Variants in SNX29 observed in about 807,000 individuals in gnomAD.
SNX29 encodes the protein sorting nexin 29.
In SNX29, 78 loss-of-function variants were observed where a neutral mutation model predicts 102.1. That is an observed-to-expected ratio of 0.76 (90% CI 0.64 to 0.92). The LOEUF (loss-of-function observed/expected upper bound fraction) is 0.92, where lower values mean the gene tolerates loss of function less well. Ranked by LOEUF, SNX29 falls within the 40% of genes least tolerant of loss-of-function variation. The probability of loss-of-function intolerance (pLI) is 0.00; values close to 1 mark genes in which losing one functional copy is unlikely to be tolerated. For missense variants in SNX29, 1,280 were observed against 1,061.7 expected (o/e 1.21, Z -2.86); for synonymous variants, 580 against 414.5 (o/e 1.40, Z -4.85).
intron 14 of SNX29, among the ~76,000 whole-genome samples, chr16:12,253,171 A>G (rs1051863462): frequency 4.6e-5 from 7 of 152,178 alleles, no homozygotes; most frequent in African/African-American, 1.4e-4. Flanking sequence ...AGAACAGCAG[A>G]GGTGGCGAGA....
At chr16:12,543,187 G>C (rs896318884) in intron 20 of SNX29, among the ~76,000 whole-genome samples, 3 of 152,124 alleles carry the variant, frequency 2.0e-5, no homozygotes, top group Admixed American at 6.5e-5. Flanking sequence ...GAAGTCCTAG[G>C]AAAAATCATA....
intron 8 of SNX29, among the ~76,000 whole-genome samples, chr16:12,055,073 C>T (rs2050464031): frequency 6.6e-6 from 1 of 151,976 alleles, no homozygotes; most frequent in Admixed American, 6.6e-5. Flanking sequence ...TTATTCAGGG[C>T]TTTCTAGAGA....
chr16:12,058,240 C>T (rs56191623), intron 8 of SNX29, among the ~76,000 whole-genome samples: 69 of 152,284 alleles, frequency 4.5e-4, no homozygotes, highest in African/African-American at 1.5e-3. Flanking sequence ...GAAACTGAGT[C>T]TGACACAGTA....
At chr16:11,991,215 T>A (rs1197300537) in intron 1 of SNX29, among the ~76,000 whole-genome samples, 1 of 152,222 alleles carries the variant, frequency 6.6e-6, no homozygotes, top group East Asian at 1.9e-4. Flanking sequence ...ATAACATCAT[T>A]GTGTGTATCC....
intron 16 of SNX29, among the ~76,000 whole-genome samples, chr16:12,384,808 C>T (rs2083289247): frequency 1.3e-5 from 2 of 152,222 alleles, no homozygotes; most frequent in South Asian, 4.1e-4. Flanking sequence ...CCACAGACTT[C>T]TGGGGCAGTA....
chr16:12,509,682 G>A (rs2089523588), intron 19 of SNX29, among the ~76,000 whole-genome samples: 1 of 152,198 alleles, frequency 6.6e-6, no homozygotes, highest in Non-Finnish European at 1.5e-5. Flanking sequence ...ACTTTGGGAG[G>A]CCAAGGTGGG....
chr16:12,480,698 A>G (rs541157013), intron 19 of SNX29, among the ~76,000 whole-genome samples: 1 of 152,118 alleles, frequency 6.6e-6, no homozygotes, highest in Admixed American at 6.5e-5. Flanking sequence ...CCCCAGTTAC[A>G]CAAAACTTAA....
chr16:12,488,735 C>T (rs1317429218), intron 19 of SNX29, among the ~76,000 whole-genome samples: 1 of 152,064 alleles, frequency 6.6e-6, no homozygotes, highest in Admixed American at 6.6e-5. Context: ...GGACATTGAC[C>T]AGCTGATACT....
rs776531665 is a variant in SNX29, at chr16:12,199,637, T to C, written c.1632T>C (p.Tyr544=). ...TGCTCAAAGTCCAACTGAAGAAATA[T>C]GTAGGAGCTGTCCAGATGCTGAAAA... ...NEVLKVQLKK[Y]VGAVQMLKRE... Residue 544 remains tyrosine, a synonymous_variant, in exon 14 of 21, where the codon TAT becomes TAC. Transcript: ENST00000566228. The C allele has an allele frequency of 8.1e-6, 13 of 1,613,280 alleles. No individual in the cohort carries two copies. The highest frequency in any genetic ancestry group is 3.3e-5 in the Admixed American group (2 of 59,974).
chr16:12,551,349 G>A (rs949885457), intron 20 of SNX29, among the ~76,000 whole-genome samples: 19 of 152,172 alleles, frequency 1.2e-4, no homozygotes, highest in Non-Finnish European at 5.9e-5. Context: ...TCATTCTTTT[G>A]GGGGCTAGTC....
intron 16 of SNX29, among the ~76,000 whole-genome samples, chr16:12,395,718 CAG>C (rs769179245): frequency 6.6e-5 from 10 of 152,192 alleles, no homozygotes; most frequent in African/African-American, 1.2e-4. Context: ...TTCAGACAAA[CAG>C]GGGATGTTTG....
At chr16:12,535,107 T>G (rs2077037498) in intron 20 of SNX29, among the ~76,000 whole-genome samples, 1 of 152,176 alleles carries the variant, frequency 6.6e-6, no homozygotes, top group African/African-American at 2.4e-5. Context: ...CAACATGTAT[T>G]TAGCACCCGC....
At chr16:12,566,375 C>G (rs1383861998) in intron 20 of SNX29, among the ~76,000 whole-genome samples, 2 of 151,944 alleles carry the variant, frequency 1.3e-5, no homozygotes, top group East Asian at 3.9e-4. Context: ...TCCCAACCAA[C>G]AAGGCACTGG....
chr16:12,559,501 C>G (rs1021762379), intron 20 of SNX29, among the ~76,000 whole-genome samples: 6 of 151,828 alleles, frequency 4.0e-5, no homozygotes, highest in Non-Finnish European at 8.8e-5. Context: ...ATAGAATGTA[C>G]AAATGTAACA....
At chr16:12,145,747 T>C (rs1158935442) in intron 13 of SNX29, among the ~76,000 whole-genome samples, 3 of 152,210 alleles carry the variant, frequency 2.0e-5, no homozygotes, top group Non-Finnish European at 4.4e-5. Flanking sequence ...ACAACAGACA[T>C]TGTCTCATGT....
At chr16:12,550,044 G>A (rs573548919) in intron 20 of SNX29, among the ~76,000 whole-genome samples, 2 of 152,200 alleles carry the variant, frequency 1.3e-5, no homozygotes, top group South Asian at 2.1e-4. Context: ...ATGCCTCCCT[G>A]GAGCCTAGTA....
intron 18 of SNX29, among the ~76,000 whole-genome samples, chr16:12,422,028 T>C (rs2084894890): frequency 1.3e-5 from 2 of 152,268 alleles, no homozygotes; most frequent in East Asian, 1.9e-4. Context: ...CAGCCATCCA[T>C]AGCATCATCA....
At chr16:12,550,770 G>C (rs1039795117) in intron 20 of SNX29, among the ~76,000 whole-genome samples, 4 of 148,746 alleles carry the variant, frequency 2.7e-5, no homozygotes, top group Non-Finnish European at 5.9e-5. Flanking sequence ...AAAAAGTGTA[G>C]AGGCTGAATA....
chr16:12,282,542 G>A (rs2079467839), intron 15 of SNX29, among the ~76,000 whole-genome samples: 1 of 152,168 alleles, frequency 6.6e-6, no homozygotes, highest in Non-Finnish European at 1.5e-5. Context: ...TTGAATAGAA[G>A]GCCAGCCTGT....
Sources: gnomAD v4.1 joint callset for allele counts (sites outside exome capture counted in the v4.1 genomes callset) on GRCh38, gnomAD v4.1.1 for gene constraint, MANE v1.5 for transcripts, NCBI Gene and HGNC (gene_info 2026-07-23, HGNC 2026-07-21) for gene names.